CHL1: variants seen among roughly 807,000 people sequenced by gnomAD.
CHL1 encodes cell adhesion molecule L1 like.
In CHL1, 96 loss-of-function variants were observed where a neutral mutation model predicts 141.9. That is an observed-to-expected ratio of 0.68 (90% CI 0.57 to 0.80). The LOEUF is 0.80. Among genes scored for constraint, CHL1 ranks in the 30% least tolerant of loss-of-function variants. CHL1 has a pLI of 0.00. For missense variants in CHL1, 1,820 were observed against 1,457.2 expected, an observed-to-expected ratio of 1.25 and a Z score of -4.05; for synonymous variants, 613 against 502.2, an observed-to-expected ratio of 1.22 and a Z score of -2.95.
chr3:251,425 G>A (rs547277045), intron 2 of CHL1, among the ~76,000 whole-genome samples: 2 of 152,256 alleles, frequency 1.3e-5, no homozygotes, highest in South Asian at 4.1e-4. Context: ...CTGCTAATCC[G>A]TAAAGTGGGC....
At chr3:255,901 G>A (rs1040629666) in intron 2 of CHL1, among the ~76,000 whole-genome samples, 4 of 152,184 alleles carry the variant, frequency 2.6e-5, no homozygotes, top group Admixed American at 6.5e-5. Flanking sequence ...CTAGGGTTGT[G>A]AACCATCGGT....
Position 407,766 on chromosome 3 carries a change from A to T in CHL1, c.*2055A>T, listed in dbSNP as rs553142718. Reference sequence around the variant, plus strand: ...TCATGCAGGTTAGAAATAATGTCAAAAATATTTAGGAATTTAATAACCTTT... The same window carrying T: ...TCATGCAGGTTAGAAATAATGTCAATAATATTTAGGAATTTAATAACCTTT... On this transcript the variant is annotated 3_prime_UTR_variant, in exon 28 of 28. Transcript: ENST00000256509. 1.3e-5 allele frequency: 2 copies of T among 152,262 alleles called. No individual in the cohort carries two copies. The highest frequency in any genetic ancestry group is 4.1e-4 in the South Asian group (2 of 4,830). 9.4% of individuals were successfully genotyped at this position (152,262 alleles called of 1,614,324 possible).
intron 10 of CHL1, among the ~76,000 whole-genome samples, chr3:351,377 T>G (rs1287859740): frequency 6.6e-6 from 1 of 152,202 alleles, no homozygotes; most frequent in Non-Finnish European, 1.5e-5. Flanking sequence ...TAAATGTACC[T>G]TCAGTTGTAT....
chr3:271,094 C>A (rs576195286), intron 2 of CHL1, among the ~76,000 whole-genome samples: 1 of 152,244 alleles, frequency 6.6e-6, no homozygotes, highest in African/African-American at 2.4e-5. Context: ...ATCTATCACC[C>A]TGTGAAAAGC....
At chr3:197,636 G>GA (rs1209547316) in intron 1 of CHL1, 1 of 359,742 alleles carries the variant, frequency 2.8e-6, no homozygotes, top group East Asian at 7.3e-5. Flanking sequence ...AGCCCGGGGG[G>GA]GGTTCCGAAA....
intron 10 of CHL1, among the ~76,000 whole-genome samples, chr3:351,633 A>G (rs944497969): frequency 6.6e-6 from 1 of 152,134 alleles, no homozygotes; most frequent in Non-Finnish European, 1.5e-5. Context: ...ATGCTATTGT[A>G]TATTTTGAAA....
intron 2 of CHL1, among the ~76,000 whole-genome samples, chr3:287,434 A>G (rs909678646): frequency 1.3e-5 from 2 of 152,186 alleles, no homozygotes; most frequent in African/African-American, 4.8e-5. Context: ...CTGCTCTTAT[A>G]TAAATTTGTG....
At chr3:386,784 C>T (rs909623234) in intron 19 of CHL1, among the ~76,000 whole-genome samples, 5 of 151,984 alleles carry the variant, frequency 3.3e-5, no homozygotes, top group African/African-American at 9.6e-5. Context: ...AGAAGACCTA[C>T]TGGCTTTAAA....
intron 14 of CHL1, 165 bp downstream of exon 14, chr3:363,548 A>C: frequency 3.2e-6 from 2 of 619,588 alleles, no homozygotes; most frequent in Non-Finnish European, 2.8e-6. Context: ...TTATTGCAAG[A>C]ACTACAGGGT....
rs1265600163 is a variant in CHL1, at chr3:369,580, AC to A, written c.1751+3468del. On this transcript the variant is annotated intron_variant, in intron 15 of 27. Coordinates refer to ENST00000256509, the MANE Select transcript of CHL1 (RefSeq NM_006614.4). Reference sequence around the variant, plus strand: ...TGACTTCCTCTCTTCCTATATGAATACCCTTTATTTTTTTCTTTTGCCTGAT... The same window carrying A: ...TGACTTCCTCTCTTCCTATATGAATACCTTTATTTTTTTCTTTTGCCTGAT... Among the ~76,000 whole-genome samples the A allele has an allele frequency of 2.0e-5, 3 of 152,108 alleles. 1 individual carries two copies. The East Asian group carries it at 5.8e-4, about 29-fold the overall frequency.
At chr3:242,354 T>C (rs1377948622) in intron 1 of CHL1, among the ~76,000 whole-genome samples, 21 of 148,486 alleles carry the variant, frequency 1.4e-4, no homozygotes, top group South Asian at 6.6e-4. Flanking sequence ...CCCAGCACTT[T>C]GGGAGGCTGA....
intron 1 of CHL1, chr3:197,620 G>T (rs1470425400): frequency 2.9e-6 from 1 of 347,490 alleles, no homozygotes; most frequent in South Asian, 2.1e-5. Context: ...GAGGATTCTA[G>T]ATCCCAGCCC....
chr3:280,530 A>G (rs1263855134), intron 2 of CHL1, among the ~76,000 whole-genome samples: 2 of 152,212 alleles, frequency 1.3e-5, no homozygotes, highest in African/African-American at 4.8e-5. Context: ...CAATTTTATT[A>G]CTGGTAAAGC....
At chr3:290,006 A>T (rs1456522478) in intron 2 of CHL1, among the ~76,000 whole-genome samples, 2 of 140,128 alleles carry the variant, frequency 1.4e-5, no homozygotes, top group Non-Finnish European at 3.0e-5. Context: ...CTCACAGTAT[A>T]CTCATAGCCA....
At chr3:283,608 A>T (rs1696853502) in intron 2 of CHL1, among the ~76,000 whole-genome samples, 1 of 152,254 alleles carries the variant, frequency 6.6e-6, no homozygotes, top group Admixed American at 6.5e-5. Context: ...AATACATGTT[A>T]AATTAAATTC....
At chr3:213,903 A>C (rs1036484082) in intron 1 of CHL1, among the ~76,000 whole-genome samples, 11 of 152,196 alleles carry the variant, frequency 7.2e-5, no homozygotes, top group Non-Finnish European at 8.8e-5. Context: ...ATGTGAAAAA[A>C]ATGTGATTTA....
At chr3:238,672 C>T (rs1315446281) in intron 1 of CHL1, among the ~76,000 whole-genome samples, 1 of 151,950 alleles carries the variant, frequency 6.6e-6, no homozygotes, top group Non-Finnish European at 1.5e-5. Flanking sequence ...CGCCTATAAT[C>T]CCAGCACTTT....
chr3:397,011 A>G (rs1485585082), intron 24 of CHL1, among the ~76,000 whole-genome samples: 3 of 152,160 alleles, frequency 2.0e-5, no homozygotes, highest in Non-Finnish European at 4.4e-5. Flanking sequence ...TGTTCAAAAA[A>G]TAGGATTTGA....
chr3:264,788 G>C (rs1345618424), intron 2 of CHL1, among the ~76,000 whole-genome samples: 1 of 152,114 alleles, frequency 6.6e-6, no homozygotes, highest in South Asian at 2.1e-4. Context: ...TGTCTCTTTC[G>C]CAATGGACTG....
Sources: gnomAD v4.1 joint callset for allele counts (sites outside exome capture counted in the v4.1 genomes callset) on GRCh38, gnomAD v4.1.1 for gene constraint, MANE v1.5 for transcripts, NCBI Gene and HGNC (gene_info 2026-07-23, HGNC 2026-07-21) for gene names.